The following RANBP17 variants were observed in gnomAD, a reference collection of about 807,000 sequenced individuals.
RANBP17 encodes RAN binding protein 17, also known as ran-binding protein 17.
A neutral mutation model predicts 141.2 loss-of-function variants in RANBP17; 158 were observed. The observed-to-expected ratio is 1.12, with a 90% CI of 0.98 to 1.28. RANBP17 has a LOEUF of 1.28. Ranked by LOEUF, RANBP17 falls within the 50% of genes most tolerant of loss-of-function variation. The pLI is 0.00. For missense variants in RANBP17, 1,438 were observed against 1,290.7 expected, an observed-to-expected ratio of 1.11 and a Z score of -1.75; for synonymous variants, 430 against 450.0, an observed-to-expected ratio of 0.96 and a Z score of 0.56.
At chr5:170,994,912 A>T (rs1358914289) in intron 14 of RANBP17, among the ~76,000 whole-genome samples, 1 of 152,114 alleles carries the variant, frequency 6.6e-6, no homozygotes, top group Non-Finnish European at 1.5e-5. Flanking sequence ...TCTAGATCTT[A>T]TGTCAGAAAA....
intron 16 of RANBP17, among the ~76,000 whole-genome samples, chr5:171,180,809 C>G (rs1265611762): frequency 2.0e-5 from 3 of 152,086 alleles, no homozygotes; most frequent in Non-Finnish European, 2.9e-5. Context: ...TGCACAGATG[C>G]CGTTCTGCAG....
chr5:171,038,886 G>A (rs1301039688), intron 14 of RANBP17, among the ~76,000 whole-genome samples: 1 of 152,012 alleles, frequency 6.6e-6, no homozygotes, highest in Non-Finnish European at 1.5e-5. Flanking sequence ...GGATTTTTGT[G>A]TCTATGTTCA....
chr5:170,921,819 AC>A, intron 11 of RANBP17, among the ~76,000 whole-genome samples: 1 of 152,116 alleles, frequency 6.6e-6, no homozygotes, highest in East Asian at 1.9e-4. Context: ...TCTGAAGCCT[AC>A]TTCTGTCAAC....
intron 14 of RANBP17, among the ~76,000 whole-genome samples, chr5:171,115,283 A>G (rs896105801): frequency 6.6e-6 from 1 of 152,188 alleles, no homozygotes. Context: ...AGTATAGTAT[A>G]TTAGCAAATT....
chr5:170,919,314 T>C (rs1029619254), intron 10 of RANBP17, 127 bp from the exon 11 acceptor site: 5 of 634,050 alleles, frequency 7.9e-6, no homozygotes, highest in South Asian at 3.3e-5. Flanking sequence ...TGCTATATTA[T>C]GTGTTCATTA....
chr5:171,094,330 A>G (rs1463306460), intron 14 of RANBP17, among the ~76,000 whole-genome samples: 1 of 152,084 alleles, frequency 6.6e-6, no homozygotes, highest in Non-Finnish European at 1.5e-5. Context: ...CTAAGAGTAC[A>G]TTTTCTTTAG....
intron 3 of RANBP17, among the ~76,000 whole-genome samples, chr5:170,884,946 C>G (rs1769019871): frequency 6.6e-6 from 1 of 151,810 alleles, no homozygotes; most frequent in Admixed American, 6.6e-5. Context: ...GTTAGATTCC[C>G]TAGTAGGTGT....
chr5:170,963,909 T>C (rs530526196), intron 13 of RANBP17, among the ~76,000 whole-genome samples: 1 of 152,190 alleles, frequency 6.6e-6, no homozygotes, highest in Non-Finnish European at 1.5e-5. Flanking sequence ...TTTGTAAAAC[T>C]CAGTAATTAA....
intron 14 of RANBP17, among the ~76,000 whole-genome samples, chr5:171,058,044 G>A (rs1180822748): frequency 6.6e-6 from 1 of 152,068 alleles, no homozygotes; most frequent in Non-Finnish European, 1.5e-5. Context: ...TTGGTTATAT[G>A]TAGCTGGTTA....
intron 14 of RANBP17, among the ~76,000 whole-genome samples, chr5:171,117,099 A>G (rs1019890410): frequency 3.3e-5 from 5 of 152,162 alleles, no homozygotes; most frequent in Admixed American, 3.3e-4. Flanking sequence ...TATCTTGGCT[A>G]TTATGAATAG....
chr5:171,269,432 G>A (rs368855668), intron 25 of RANBP17, among the ~76,000 whole-genome samples: 1 of 152,184 alleles, frequency 6.6e-6, no homozygotes, highest in Non-Finnish European at 1.5e-5. Context: ...AGTAAAAGCG[G>A]CAGGCAGGAG....
intron 14 of RANBP17, among the ~76,000 whole-genome samples, chr5:171,075,984 A>G (rs1251004358): frequency 6.6e-6 from 1 of 152,130 alleles, no homozygotes; most frequent in Non-Finnish European, 1.5e-5. Context: ...CACACTTTAA[A>G]TGGGGACTTA....
At chr5:170,953,145 A>G (rs1326419849) in intron 12 of RANBP17, among the ~76,000 whole-genome samples, 2 of 152,142 alleles carry the variant, frequency 1.3e-5, no homozygotes, top group East Asian at 3.9e-4. Flanking sequence ...TCACACTGGT[A>G]CTATCATGAC....
chr5:171,259,999 A>C, intron 24 of RANBP17, among the ~76,000 whole-genome samples: 1 of 150,892 alleles, frequency 6.6e-6, no homozygotes, highest in East Asian at 2.0e-4. Flanking sequence ...AAATAAATAT[A>C]AAATAAAAAT....
intron 25 of RANBP17, among the ~76,000 whole-genome samples, chr5:171,274,554 TA>T (rs549510162): frequency 2.6e-4 from 40 of 152,272 alleles, no homozygotes; most frequent in African/African-American, 8.7e-4. Context: ...AAAAAGCAAT[TA>T]AAAAATATAT....
intron 14 of RANBP17, among the ~76,000 whole-genome samples, chr5:171,168,723 G>A (rs1351820531): frequency 6.6e-6 from 1 of 152,100 alleles, no homozygotes; most frequent in Admixed American, 6.5e-5. Flanking sequence ...AGAGATGAAG[G>A]CCTACTCTCA....
chr5:170,863,388 A>G (rs1766980929), intron 1 of RANBP17: 1 of 152,120 alleles, frequency 6.6e-6, no homozygotes, highest in Non-Finnish European at 1.5e-5. Context: ...ACCCCCTGTG[A>G]TCACACTGAT....
chr5:170,938,058 TCCTC>T (rs1774029813), intron 12 of RANBP17, among the ~76,000 whole-genome samples: 1 of 152,074 alleles, frequency 6.6e-6, no homozygotes, highest in Non-Finnish European at 1.5e-5. Flanking sequence ...TTCTCTGACC[TCCTC>T]CCTCCCAGCC....
intron 25 of RANBP17, among the ~76,000 whole-genome samples, chr5:171,283,485 T>C (rs1397388255): frequency 6.6e-6 from 1 of 152,258 alleles, no homozygotes; most frequent in African/African-American, 2.4e-5. Flanking sequence ...CTCCCTGGCC[T>C]CTTGGCCAGC....
Sources: allele counts gnomAD v4.1 joint callset (sites outside exome capture counted in the v4.1 genomes callset), GRCh38; gene constraint gnomAD v4.1.1; transcripts MANE v1.5; gene names NCBI Gene and HGNC (gene_info 2026-07-23, HGNC 2026-07-21).